Variants in HMGA2 observed in about 807,000 individuals in gnomAD.
HMGA2 encodes high mobility group AT-hook 2, also known as high mobility group protein HMGI-C.
In HMGA2, 8 loss-of-function variants were observed where a neutral mutation model predicts 19.1. The ratio of observed to expected loss-of-function variants is 0.42; its 90% CI spans 0.25 to 0.76. The LOEUF is 0.76. HMGA2 is among the 30% of genes least tolerant of loss of function. HMGA2 has a pLI of 0.28. For missense variants in HMGA2, 109 were observed against 136.3 expected, an observed-to-expected ratio of 0.80 and a Z score of 1.00; for synonymous variants, 60 against 48.8, an observed-to-expected ratio of 1.23 and a Z score of -0.96.
intron 3 of HMGA2, among the ~76,000 whole-genome samples, chr12:65,905,181 A>ATC (rs369461707): frequency 4.9e-5 from 7 of 143,770 alleles, no homozygotes; most frequent in Middle Eastern, 6.8e-3. Context: ...AATTGACTTT[A>ATC]TCACACACAC....
chr12:65,854,878 T>C (rs1350738817), intron 3 of HMGA2, among the ~76,000 whole-genome samples: 2 of 152,204 alleles, frequency 1.3e-5, no homozygotes, highest in Admixed American at 1.3e-4. Context: ...ATGGTTCCTG[T>C]CTTTGGCTGT....
At chr12:65,890,157 A>C (rs1255803315) in intron 3 of HMGA2, among the ~76,000 whole-genome samples, 12 of 152,214 alleles carry the variant, frequency 7.9e-5, no homozygotes. Context: ...TCATTATGCC[A>C]CAAAGTTAGT....
At chr12:65,960,969 G>C (rs891360054) in intron 4 of HMGA2, among the ~76,000 whole-genome samples, 11 of 152,140 alleles carry the variant, frequency 7.2e-5, no homozygotes, top group African/African-American at 2.7e-4. Flanking sequence ...TCTAGTACAA[G>C]GTCTTTGTTA....
intron 3 of HMGA2, among the ~76,000 whole-genome samples, chr12:65,938,689 C>A (rs745681891): frequency 5.3e-5 from 8 of 151,970 alleles, no homozygotes; most frequent in Non-Finnish European, 1.2e-4. Flanking sequence ...CACTTTGTCA[C>A]CCAGGCTGGA....
chr12:65,860,143 A>G, intron 3 of HMGA2: 1 of 378,612 alleles, frequency 2.6e-6, no homozygotes, highest in Admixed American at 2.8e-5. Flanking sequence ...AAGACATCTC[A>G]CCTACTGAAC....
In HMGA2 at chr12:65,824,786, A is replaced by G. The variant is rs1870053708; in HGVS notation, c.-485A>G. ...CTCTCTCTCGCAGGGTGGGGGGAAG[A>G]GGAGGAGGAATTCTTTCCCCGCCTA... On this transcript the variant is annotated 5_prime_UTR_variant, in exon 1 of 5. Transcript: ENST00000403681. The G allele has an allele frequency of 4.5e-6, 1 of 223,094 alleles. No individual in the cohort carries two copies. Among genetic ancestry groups the G allele is most frequent in the Non-Finnish European group, 8.6e-6 (1 of 116,128 alleles). 13.8% of individuals were successfully genotyped at this position (223,094 alleles called of 1,614,324 possible).
intron 2 of HMGA2, 113 bp downstream of exon 2, chr12:65,828,200 C>A: frequency 1.3e-6 from 1 of 776,654 alleles, no homozygotes; most frequent in Non-Finnish European, 2.3e-6. Context: ...AACTGGGTAA[C>A]ACAAGACTCA....
rs1035251607 is a variant in HMGA2, at chr12:65,825,801, G to A, written c.111+420G>A. Among the ~76,000 whole-genome samples, 38 of 152,212 alleles carry A rather than the reference G, an allele frequency of 2.5e-4. No homozygotes were observed. The highest frequency in any genetic ancestry group is 9.1e-4 in the African/African-American group (38 of 41,572). ...TGCCGGGGACCCGGGCGCTTCGGCC[G>A]ATCTGGGCTGAAGGGGCTAGAGTCT... On this transcript the variant is annotated intron_variant, in intron 1 of 4. Transcript: ENST00000403681. This position sits in a 1 kb window ranked among gnomAD's most constrained non-coding sequence, Gnocchi z 4.4.
rs1173016277 is a variant in HMGA2, at chr12:65,963,301, A to G, written c.*9A>G. 6.2e-7 allele frequency: 1 copy of G among 1,612,950 alleles called. No homozygotes were observed. The highest frequency in any genetic ancestry group is 8.5e-7 in the Non-Finnish European group (1 of 1,179,518). On this transcript the variant is annotated 3_prime_UTR_variant, in exon 5 of 5. Transcript: ENST00000403681. ...CTGCCGAAGAGGACTAGGGGGCGCCAACGTTCGATTTCTACCTCAGCAGCA... is the reference window on the plus strand; with the variant it reads ...CTGCCGAAGAGGACTAGGGGGCGCCGACGTTCGATTTCTACCTCAGCAGCA...
At position 65,825,218 on chromosome 12, in the gene HMGA2, G is replaced by C; in HGVS notation, c.-53G>C. 1.4e-6 allele frequency: 2 copies of C among 1,452,240 alleles called. No homozygotes were observed. 90.0% of individuals were successfully genotyped at this position (1,452,240 alleles called of 1,614,324 possible). ...CTCCCGAAAGGTGCTGGGCAGCTCC[G>C]GGGCGGTCGAGGCGAAGCGGCTGCA... On this transcript the variant is annotated 5_prime_UTR_variant, in exon 1 of 5. Coordinates refer to ENST00000403681, the MANE Select transcript of HMGA2 (RefSeq NM_003483.6). The surrounding 1 kb of genome is among the most constrained non-coding windows in gnomAD (Gnocchi z 4.4).
intron 3 of HMGA2, among the ~76,000 whole-genome samples, chr12:65,878,394 G>A (rs895122852): frequency 3.3e-5 from 5 of 152,156 alleles, no homozygotes; most frequent in African/African-American, 4.8e-5. Flanking sequence ...ATGTGTAATA[G>A]TAAAGCTAAT....
In HMGA2 at chr12:65,889,126, C is replaced by A. The variant is rs778092590; in HGVS notation, c.249+50557C>A. Among the ~76,000 whole-genome samples the A allele has an allele frequency of 1.1e-4, 17 of 152,156 alleles. 1 individual carries two copies. Among genetic ancestry groups the A allele is most frequent in the Non-Finnish European group, 5.9e-5 (4 of 68,036 alleles). ...TTTCTTAAAAGAAATATTAGTTGTG[C>A]CCATTTTAATCTCCTGAACTTTATG... On this transcript the variant is annotated intron_variant, in intron 3 of 4. Coordinates refer to ENST00000403681, the MANE Select transcript of HMGA2 (RefSeq NM_003483.6).
intron 3 of HMGA2, among the ~76,000 whole-genome samples, chr12:65,887,877 TA>T (rs59062095): frequency 0.28 from 39,920 of 141,924 alleles, 7,905 homozygotes; most frequent in African/African-American, 0.57. Context: ...ACAGGCAAAT[TA>T]AAAAAAAAAA....
chr12:65,859,563 A>G (rs749530931), intron 3 of HMGA2: 3 of 152,202 alleles, frequency 2.0e-5, no homozygotes, highest in Non-Finnish European at 4.4e-5. Flanking sequence ...TCTCACCTTC[A>G]CTTTTACCTG....
intron 4 of HMGA2, among the ~76,000 whole-genome samples, chr12:65,960,471 G>T (rs2121328435): frequency 6.6e-6 from 1 of 152,308 alleles, no homozygotes; most frequent in Non-Finnish European, 1.5e-5. Context: ...ATCCGCACAT[G>T]TAACCAAAGA....
chr12:65,824,717 CT>C lies in HMGA2; in HGVS notation c.-553del, dbSNP rs1870029338. On this transcript the variant is annotated 5_prime_UTR_variant, in exon 1 of 5. Coordinates refer to ENST00000403681, the MANE Select transcript of HMGA2 (RefSeq NM_003483.6). ...GGCACTTTCAATCTCAATCTCTTCT[CT>C]CTCTCTCTCTCTCTCTCTCTCTCTC... 8.4e-5 allele frequency: 4 copies of C among 47,856 alleles called. No individual in the cohort carries two copies. Among genetic ancestry groups the C allele is most frequent in the Admixed American group, 5.1e-4 (2 of 3,940 alleles). 3.0% of individuals were successfully genotyped at this position (47,856 alleles called of 1,614,324 possible). A position where few individuals can be genotyped will look rare whatever the true frequency, so the allele number is the denominator to read the frequency against.
intron 3 of HMGA2, among the ~76,000 whole-genome samples, chr12:65,897,830 C>T (rs560530562): frequency 1.6e-4 from 24 of 152,026 alleles, no homozygotes; most frequent in East Asian, 5.8e-4. Context: ...CATGGTGGCA[C>T]GCCCCTGTTG....
intron 3 of HMGA2, chr12:65,881,276 A>T: frequency 6.1e-6 from 1 of 165,012 alleles, no homozygotes; most frequent in South Asian, 1.6e-4. Flanking sequence ...GGGTCTCCAG[A>T]GTTTGAGAGT....
intron 3 of HMGA2, among the ~76,000 whole-genome samples, chr12:65,868,556 A>G (rs1270226907): frequency 6.6e-6 from 1 of 152,158 alleles, no homozygotes; most frequent in South Asian, 2.1e-4. Context: ...CCAAAGCACC[A>G]CCTACGTTGA....
Sources: gnomAD v4.1 joint callset for allele counts (sites outside exome capture counted in the v4.1 genomes callset) on GRCh38, gnomAD v4.1.1 for gene constraint, Gnocchi (gnomAD v3.1) non-coding constraint, MANE v1.5 for transcripts, NCBI Gene and HGNC (gene_info 2026-07-23, HGNC 2026-07-21) for gene names.